The following PRKN variants were observed in gnomAD, a reference collection of about 807,000 sequenced individuals.
PRKN encodes the protein E3 ubiquitin-protein ligase parkin.
A neutral mutation model predicts 59.5 loss-of-function variants in PRKN; 56 were observed. The observed-to-expected ratio is 0.94, with a 90% CI of 0.76 to 1.18. PRKN has a LOEUF of 1.18. PRKN is among the 50% of genes most tolerant of loss of function. PRKN has a pLI of 0.00. For synonymous variants in PRKN, 250 were observed against 222.1 expected, an observed-to-expected ratio of 1.13 and a Z score of -1.12; for missense variants, 657 against 596.4, an observed-to-expected ratio of 1.10 and a Z score of -1.06.
intron 6 of PRKN, among the ~76,000 whole-genome samples, chr6:161,913,228 G>A (rs934473450): frequency 2.7e-5 from 4 of 150,652 alleles, no homozygotes; most frequent in Non-Finnish European, 5.9e-5. Context: ...TAGATAGCTG[G>A]AACACCCAAT....
At position 161,348,546 on chromosome 6, in the gene PRKN, A is replaced by C. The variant is rs1248432846; in HGVS notation, c.*1553T>G. The C allele has an allele frequency of 4.8e-6, 1 of 208,692 alleles. No individual in the cohort carries two copies. Among genetic ancestry groups the C allele is most frequent in the Admixed American group, 5.9e-5 (1 of 16,874 alleles). The allele number at this position is 208,692 out of a possible 1,614,324, so 12.9% of individuals were successfully genotyped here. ...GGGACTGTCCTCAGATGGTTGGAAG[A>C]AATGGGTTATCTTAGGCAGTTAGGA... On this transcript the variant is annotated 3_prime_UTR_variant, in exon 12 of 12. Coordinates refer to ENST00000366898, the MANE Select transcript of PRKN (RefSeq NM_004562.3). The surrounding 1 kb of genome is among the most constrained non-coding windows in gnomAD (Gnocchi z 4.9).
chr6:161,769,114 C>T (rs563295043), intron 7 of PRKN, among the ~76,000 whole-genome samples: 3 of 152,138 alleles, frequency 2.0e-5, no homozygotes, highest in East Asian at 3.9e-4. Context: ...TTAATTATTC[C>T]TATATCAAAG....
At chr6:161,675,464 A>G (rs1308510073) in intron 7 of PRKN, among the ~76,000 whole-genome samples, 1 of 152,188 alleles carries the variant, frequency 6.6e-6, no homozygotes, top group Non-Finnish European at 1.5e-5. Context: ...GAGGATAATC[A>G]CCTGTGTTAT....
chr6:162,443,142 A>G (rs1478858257), intron 2 of PRKN, among the ~76,000 whole-genome samples, 168 bp downstream of exon 2: 2 of 152,114 alleles, frequency 1.3e-5, no homozygotes, highest in African/African-American at 4.8e-5. Flanking sequence ...GTTTTAATGC[A>G]TAATTAAGAA....
chr6:162,467,803 C>T (rs888495259), intron 1 of PRKN, among the ~76,000 whole-genome samples: 1 of 150,548 alleles, frequency 6.6e-6, no homozygotes, highest in Non-Finnish European at 1.5e-5. Context: ...AGCCTCAACC[C>T]CCTGTCACGC....
chr6:162,109,056 G>A (rs182070428), intron 4 of PRKN, among the ~76,000 whole-genome samples: 1 of 152,330 alleles, frequency 6.6e-6, no homozygotes, highest in East Asian at 1.9e-4. Context: ...TAATTTCATG[G>A]GGTGGATTAT....
intron 3 of PRKN, among the ~76,000 whole-genome samples, chr6:162,207,119 T>A (rs950037678): frequency 3.9e-5 from 6 of 152,094 alleles, no homozygotes; most frequent in Non-Finnish European, 8.8e-5. Context: ...AAGCCTGTAA[T>A]CCCAGCACTT....
chr6:162,549,779 C>A (rs1779261001), intron 1 of PRKN, among the ~76,000 whole-genome samples: 1 of 152,022 alleles, frequency 6.6e-6, no homozygotes, highest in Non-Finnish European at 1.5e-5. Flanking sequence ...GCTGGGACTA[C>A]AGGCATATGA....
At chr6:161,617,257 A>AT (rs1782732467) in intron 7 of PRKN, among the ~76,000 whole-genome samples, 1 of 151,764 alleles carries the variant, frequency 6.6e-6, no homozygotes, top group Non-Finnish European at 1.5e-5. Context: ...GATGGGGTTG[A>AT]TTTTTTCTTG....
intron 5 of PRKN, among the ~76,000 whole-genome samples, chr6:161,981,850 G>C (rs1456854457): frequency 6.6e-6 from 1 of 152,176 alleles, no homozygotes; most frequent in Middle Eastern, 3.2e-3. Context: ...AAGTTAATGA[G>C]TCTATCACCA....
intron 7 of PRKN, among the ~76,000 whole-genome samples, chr6:161,591,984 T>C (rs1781742364): frequency 6.6e-6 from 1 of 152,146 alleles, no homozygotes; most frequent in African/African-American, 2.4e-5. Flanking sequence ...AAAGTGACAA[T>C]TGCTCAAGTC....
At chr6:162,490,232 CG>C (rs1460377309) in intron 1 of PRKN, among the ~76,000 whole-genome samples, 1 of 152,164 alleles carries the variant, frequency 6.6e-6, no homozygotes, top group East Asian at 1.9e-4. Flanking sequence ...AATCATTTGT[CG>C]GGGGGAAAAA....
chr6:162,215,809 G>C (rs1190313323), intron 3 of PRKN, among the ~76,000 whole-genome samples: 2 of 152,114 alleles, frequency 1.3e-5, no homozygotes, highest in Non-Finnish European at 2.9e-5. Context: ...ACTTTGGGAG[G>C]GCAAGGTGGG....
In PRKN at chr6:162,022,786, T is replaced by A. The variant is rs534227743; in HGVS notation, c.618+31305A>T. On this transcript the variant is annotated intron_variant, in intron 5 of 11. Coordinates refer to ENST00000366898, the MANE Select transcript of PRKN (RefSeq NM_004562.3). ...GGTTTTCTTCTAGGATTTTAATAAA[T>A]CAGTGCCTTACACATAAGTCTTTAA... Among the ~76,000 whole-genome samples the A allele has an allele frequency of 1.2e-4, 19 of 152,326 alleles. No individual in the cohort carries two copies. The East Asian group carries it at 3.7e-3, about 29-fold the overall frequency.
chr6:161,771,396 A>AAAAAAAAT (rs1562671030), intron 7 of PRKN, among the ~76,000 whole-genome samples: 6 of 148,388 alleles, frequency 4.0e-5, no homozygotes, highest in African/African-American at 1.5e-4. Flanking sequence ...ATAAAATAAA[A>AAAAAAAAT]TAAAAGCACT....
chr6:162,351,774 T>C (rs1044601167), intron 2 of PRKN, among the ~76,000 whole-genome samples: 2 of 152,090 alleles, frequency 1.3e-5, no homozygotes, highest in Admixed American at 1.3e-4. Flanking sequence ...CTCAAAATGA[T>C]TGTAATGGAT....
At chr6:162,555,470 C>G (rs1232941716) in intron 1 of PRKN, among the ~76,000 whole-genome samples, 1 of 151,934 alleles carries the variant, frequency 6.6e-6, no homozygotes, top group Non-Finnish European at 1.5e-5. Flanking sequence ...AAACATTACC[C>G]AAATAGAAGC....
At chr6:162,460,660 T>C (rs1791107660) in intron 1 of PRKN, among the ~76,000 whole-genome samples, 2 of 152,354 alleles carry the variant, frequency 1.3e-5, no homozygotes, top group Non-Finnish European at 2.9e-5. Context: ...AGCGGATGAA[T>C]GAATGTGCAT....
At chr6:162,029,125 C>T (rs1783546186) in intron 5 of PRKN, among the ~76,000 whole-genome samples, 2 of 152,136 alleles carry the variant, frequency 1.3e-5, no homozygotes, top group African/African-American at 4.8e-5. Context: ...TTACTAGTAG[C>T]TCCCAGTTCT....
Sources: allele counts gnomAD v4.1 joint callset (sites outside exome capture counted in the v4.1 genomes callset), GRCh38; gene constraint gnomAD v4.1.1; non-coding constraint Gnocchi (gnomAD v3.1); transcripts MANE v1.5; gene names NCBI Gene and HGNC (gene_info 2026-07-23, HGNC 2026-07-21).